The following ZC3H6 variants were observed in gnomAD, a reference collection of about 807,000 sequenced individuals.
The protein encoded by ZC3H6 is zinc finger CCCH-type containing 6, also known as zinc finger CCCH domain-containing protein 6.
In ZC3H6, 40 loss-of-function variants were observed where a neutral mutation model predicts 107.7. The ratio of observed to expected loss-of-function variants is 0.37; its 90% CI spans 0.29 to 0.48. The LOEUF (loss-of-function observed/expected upper bound fraction) is 0.48, where lower values mean the gene tolerates loss of function less well. Ranked by LOEUF, ZC3H6 falls within the 20% of genes least tolerant of loss-of-function variation. ZC3H6 has a pLI of 0.98. For missense variants in ZC3H6, 1,267 were observed against 1,410.4 expected (o/e 0.90, Z 1.63); for synonymous variants, 493 against 487.9 (o/e 1.01, Z -0.14).
At chr2:112,322,161 T>A (rs1184571750) in intron 8 of ZC3H6, among the ~76,000 whole-genome samples, 1 of 144,598 alleles carries the variant, frequency 6.9e-6, no homozygotes, top group African/African-American at 2.6e-5. Flanking sequence ...CCTCCCTCCC[T>A]CCCTCTTGCT....
intron 4 of ZC3H6, among the ~76,000 whole-genome samples, chr2:112,311,026 G>C (rs1676582883): frequency 6.6e-6 from 1 of 152,150 alleles, no homozygotes; most frequent in East Asian, 1.9e-4. Context: ...AGATGTTGTG[G>C]TATCAGGGAT....
chr2:112,311,703 T>A, intron 4 of ZC3H6, 101 bp from the exon 5 acceptor site: 1 of 981,864 alleles, frequency 1.0e-6, no homozygotes, highest in East Asian at 2.8e-5. Flanking sequence ...AAGAATGCAC[T>A]GTATATTATA....
Position 112,335,584 on chromosome 2 carries a change from G to A in ZC3H6, c.*3096G>A, listed in dbSNP as rs1007639129. The A allele has an allele frequency of 1.3e-5, 2 of 151,998 alleles. No homozygotes were observed. Among genetic ancestry groups the A allele is most frequent in the African/African-American group, 4.8e-5 (2 of 41,392 alleles). 9.4% of individuals were successfully genotyped at this position (151,998 alleles called of 1,614,324 possible). A position where few individuals can be genotyped will look rare whatever the true frequency, so the allele number is the denominator to read the frequency against. On this transcript the variant is annotated 3_prime_UTR_variant, in exon 12 of 12. Coordinates refer to ENST00000409871, the MANE Select transcript of ZC3H6 (RefSeq NM_198581.3). Reference sequence around the variant, plus strand: ...ATTGATCACATTTGATGTAAAGAATGAATTATTTTTGTAAAGTATTTGTAA... The same window carrying A: ...ATTGATCACATTTGATGTAAAGAATAAATTATTTTTGTAAAGTATTTGTAA...
At chr2:112,304,377 G>A (rs1055364441) in intron 3 of ZC3H6, among the ~76,000 whole-genome samples, 2 of 152,178 alleles carry the variant, frequency 1.3e-5, no homozygotes, top group Admixed American at 1.3e-4. Context: ...CTCACAGTCT[G>A]GAGTCTAGAA....
chr2:112,291,380 T>C (rs1420145659), intron 1 of ZC3H6, among the ~76,000 whole-genome samples: 5 of 152,214 alleles, frequency 3.3e-5, no homozygotes, highest in African/African-American at 1.2e-4. Flanking sequence ...ATTATAGGCA[T>C]GTCCCACTAT....
intron 1 of ZC3H6, among the ~76,000 whole-genome samples, chr2:112,287,343 G>C (rs1686626667): frequency 1.3e-5 from 2 of 151,836 alleles, no homozygotes; most frequent in Non-Finnish European, 2.9e-5. Flanking sequence ...CTTTTAAAAT[G>C]TCTCAAAAAA....
chr2:112,335,306 T>C lies in ZC3H6; in HGVS notation c.*2818T>C, dbSNP rs1309653591. 1 of 152,236 alleles carries C rather than the reference T, an allele frequency of 6.6e-6. No homozygotes were observed. The highest frequency in any genetic ancestry group is 1.5e-5 in the Non-Finnish European group (1 of 68,042). The allele number at this position is 152,236 out of a possible 1,614,324, so 9.4% of individuals were successfully genotyped here. A position where few individuals can be genotyped will look rare whatever the true frequency, so the allele number is the denominator to read the frequency against. ...TTGTGAAATGATGTGCGCTTATGTT[T>C]CTGTTTATCCTTTAGCCATGGAACT... is the stretch of plus-strand genomic sequence containing the variant. On this transcript the variant is annotated 3_prime_UTR_variant, in exon 12 of 12. Coordinates refer to ENST00000409871, the MANE Select transcript of ZC3H6 (RefSeq NM_198581.3).
intron 1 of ZC3H6, among the ~76,000 whole-genome samples, chr2:112,287,007 T>C (rs1445443696): frequency 3.3e-5 from 5 of 152,224 alleles, no homozygotes; most frequent in Admixed American, 3.3e-4. Flanking sequence ...ACAGACCAAA[T>C]GCCCATTGGG....
intron 3 of ZC3H6, among the ~76,000 whole-genome samples, chr2:112,308,542 T>C (rs1330796538): frequency 6.6e-6 from 1 of 150,422 alleles, no homozygotes; most frequent in Non-Finnish European, 1.5e-5. Flanking sequence ...GCAGTTCTCC[T>C]GCCTCAGACT....
At position 112,275,926 on chromosome 2, in the gene ZC3H6, C is replaced by T. The variant is rs535492779; in HGVS notation, c.-69C>T. 2.1e-6 allele frequency: 3 copies of T among 1,418,996 alleles called. No individual in the cohort carries two copies. The highest frequency in any genetic ancestry group is 2.7e-5 in the South Asian group (2 of 74,374). The allele number at this position is 1,418,996 out of a possible 1,614,324, so 87.9% of individuals were successfully genotyped here. On this transcript the variant is annotated 5_prime_UTR_variant, in exon 1 of 12. Coordinates refer to ENST00000409871, the MANE Select transcript of ZC3H6 (RefSeq NM_198581.3). ...GGTTCCCGCAGGCGGCGCGGGGGGT[C>T]TTCCCCGCGCCCCGCCGCCGCCGGC...
intron 1 of ZC3H6, 83 bp downstream of exon 1, chr2:112,276,109 C>T: frequency 1.3e-5 from 17 of 1,271,432 alleles, no homozygotes; most frequent in East Asian, 2.7e-5. Flanking sequence ...CCGGGCGCCT[C>T]CTGCATGACC....
intron 11 of ZC3H6, among the ~76,000 whole-genome samples, chr2:112,329,153 A>G (rs1676971471): frequency 2.0e-5 from 3 of 152,202 alleles, no homozygotes; most frequent in South Asian, 4.1e-4. Context: ...TAATGCTTTT[A>G]TGCATTTTAT....
At chr2:112,320,037 A>G (rs1450249599) in intron 7 of ZC3H6, among the ~76,000 whole-genome samples, 5 of 152,092 alleles carry the variant, frequency 3.3e-5, no homozygotes, top group Non-Finnish European at 5.9e-5. Flanking sequence ...GGTTCAAGCA[A>G]TTCTCCTGCC....
At chr2:112,315,171 T>C (rs1676674409) in intron 5 of ZC3H6, among the ~76,000 whole-genome samples, 1 of 152,116 alleles carries the variant, frequency 6.6e-6, no homozygotes, top group African/African-American at 2.4e-5. Context: ...GCATGAAAAA[T>C]AATGTTGTTT....
At chr2:112,330,032 G>C (rs1047139131) in intron 11 of ZC3H6, among the ~76,000 whole-genome samples, 1 of 151,560 alleles carries the variant, frequency 6.6e-6, no homozygotes, top group South Asian at 2.1e-4. Context: ...TTCTCATAAA[G>C]TATGTAAGTT....
chr2:112,313,215 A>G (rs1276820493), intron 5 of ZC3H6, among the ~76,000 whole-genome samples: 1 of 152,190 alleles, frequency 6.6e-6, no homozygotes, highest in Admixed American at 6.5e-5. Flanking sequence ...CACACCTACT[A>G]ACATTCACTG....
intron 1 of ZC3H6, among the ~76,000 whole-genome samples, chr2:112,278,036 G>T (rs1686458670): frequency 1.3e-5 from 2 of 152,176 alleles, no homozygotes; most frequent in Admixed American, 6.5e-5. Context: ...TACTCGATCA[G>T]TGTTTCCCAA....
chr2:112,307,115 G>A (rs185374494), intron 3 of ZC3H6, among the ~76,000 whole-genome samples: 1 of 152,242 alleles, frequency 6.6e-6, no homozygotes, highest in Admixed American at 6.5e-5. Flanking sequence ...AGAAAGTTCA[G>A]TACCATTTCT....
rs570117521 is a variant in ZC3H6, at chr2:112,305,820, G to C, written c.336+2469G>C. On this transcript the variant is annotated intron_variant, in intron 3 of 11. Transcript: ENST00000409871. The stretch of plus-strand genomic sequence containing the variant: ...GTCATAATTTCAGGCTTACAAAAAA[G>C]TTGCAAGAATGGTGCAGAGAACTCC... Among the ~76,000 whole-genome samples, 12 of 152,248 alleles carry C rather than the reference G, an allele frequency of 7.9e-5. No individual in the cohort carries two copies. The South Asian group carries it at 1.2e-3, about 16-fold the overall frequency.
Sources: allele counts gnomAD v4.1 joint callset (sites outside exome capture counted in the v4.1 genomes callset), GRCh38; gene constraint gnomAD v4.1.1; transcripts MANE v1.5; gene names NCBI Gene and HGNC (gene_info 2026-07-23, HGNC 2026-07-21).